Variants in MPHOSPH9 observed in about 807,000 individuals in gnomAD.
The protein encoded by MPHOSPH9 is M-phase phosphoprotein 9.
MPHOSPH9 carries 88 observed loss-of-function variants against 145.5 expected under a neutral mutation model. That is an observed-to-expected ratio of 0.60 (90% CI 0.51 to 0.72). The LOEUF is 0.72. Ranked by LOEUF, MPHOSPH9 falls within the 30% of genes least tolerant of loss-of-function variation. The pLI, the probability that MPHOSPH9 is intolerant of heterozygous loss-of-function variation, is 0.00. For synonymous variants in MPHOSPH9, 435 were observed against 486.2 expected, an observed-to-expected ratio of 0.89 and a Z score of 1.39; for missense variants, 1,238 against 1,386.6, an observed-to-expected ratio of 0.89 and a Z score of 1.70.
At chr12:123,213,391 G>T (rs1224810351) in intron 7 of MPHOSPH9, among the ~76,000 whole-genome samples, 1 of 151,982 alleles carries the variant, frequency 6.6e-6, no homozygotes. Context: ...CCAGGCTGGA[G>T]TGCAGTGGTG....
At chr12:123,234,601 T>G (rs2047806782), upstream of MPHOSPH9, among the ~76,000 whole-genome samples, 1 of 152,166 alleles carries the variant, frequency 6.6e-6, no homozygotes, top group Non-Finnish European at 1.5e-5. Flanking sequence ...TTTGCCATAT[T>G]GGCCAGGCTG....
chr12:123,174,594 G>T (rs1056747408), intron 16 of MPHOSPH9, among the ~76,000 whole-genome samples: 5 of 151,854 alleles, frequency 3.3e-5, no homozygotes, highest in African/African-American at 2.4e-5. Context: ...GGATGGTCTC[G>T]ATCTCCTGAC....
At chr12:123,243,152 C>T (rs2047969451) in intron 1 of MPHOSPH9, among the ~76,000 whole-genome samples, 1 of 152,250 alleles carries the variant, frequency 6.6e-6, no homozygotes, top group African/African-American at 2.4e-5. Flanking sequence ...GTTTTTAAAG[C>T]ACCACTTTCC....
At chr12:123,224,518 G>A (rs1342761551) in intron 3 of MPHOSPH9, among the ~76,000 whole-genome samples, 4 of 152,028 alleles carry the variant, frequency 2.6e-5, no homozygotes, top group South Asian at 2.1e-4. Context: ...TGATCCACCC[G>A]CCTCGGTCTC....
intron 13 of MPHOSPH9, among the ~76,000 whole-genome samples, chr12:123,183,665 A>T (rs922106372): frequency 9.2e-5 from 14 of 152,124 alleles, no homozygotes; most frequent in Non-Finnish European, 1.6e-4. Flanking sequence ...TGATGTCAGC[A>T]TAACTGTGAG....
intron 14 of MPHOSPH9, among the ~76,000 whole-genome samples, chr12:123,180,388 A>C (rs2045073474): frequency 6.6e-6 from 1 of 152,202 alleles, no homozygotes; most frequent in African/African-American, 2.4e-5. Context: ...CTTTTTGCTG[A>C]GCTTCAATAA....
Position 123,213,121 on chromosome 12 carries a change from A to G in MPHOSPH9, c.1087+1623T>C, listed in dbSNP as rs923477629. On this transcript the variant is annotated intron_variant, in intron 7 of 23. Transcript: ENST00000606320. ...TGATCCGCCCGACCTGGCCTCCCAAAGTGCTGGGATTACAAGCATGAGCCA... is the reference window on the plus strand; with the variant it reads ...TGATCCGCCCGACCTGGCCTCCCAAGGTGCTGGGATTACAAGCATGAGCCA... Among the ~76,000 whole-genome samples, 48 of 151,978 alleles carry G rather than the reference A, an allele frequency of 3.2e-4. 1 individual carries two copies. Among genetic ancestry groups the G allele is most frequent in the Non-Finnish European group, 1.9e-4 (13 of 68,016 alleles).
chr12:123,202,981 G>C lies in MPHOSPH9; in HGVS notation c.1424C>G (p.Ser475Cys), dbSNP rs770334381. Reference protein sequence around the residue: ...PNALDDRISFSPDSVLEPSMS... With the variant: ...PNALDDRISFCPDSVLEPSMS... ...ACTAGGCTCTAGAACAGAGTCCGGG[G>C]AAAAGGATATTCTGTCATCAAGGGC... The change falls in exon 10 of 24, where the codon TCC becomes TGC. Residue 475 changes from serine to cysteine, a missense_variant. Ser to Cys is a moderately radical substitution (Grantham distance 112, BLOSUM62 -1). Coordinates refer to ENST00000606320, the MANE Select transcript of MPHOSPH9 (RefSeq NM_022782.4). The C allele has an allele frequency of 1.9e-6, 3 of 1,614,066 alleles. No individual in the cohort carries two copies. The highest frequency in any genetic ancestry group is 2.7e-5 in the African/African-American group (2 of 74,926).
At chr12:123,195,966 T>C (rs1246301392) in intron 12 of MPHOSPH9, among the ~76,000 whole-genome samples, 3 of 151,884 alleles carry the variant, frequency 2.0e-5, no homozygotes, top group Admixed American at 1.3e-4. Context: ...GCCCAAGAGG[T>C]TGAGACTGCA....
chr12:123,171,880 A>G (rs1444398406), intron 16 of MPHOSPH9, among the ~76,000 whole-genome samples: 3 of 152,216 alleles, frequency 2.0e-5, no homozygotes, highest in South Asian at 2.1e-4. Context: ...AATTAAGAGT[A>G]GAACACTATA....
intron 13 of MPHOSPH9, among the ~76,000 whole-genome samples, chr12:123,184,827 A>G (rs944734204): frequency 6.9e-6 from 1 of 145,354 alleles, no homozygotes; most frequent in East Asian, 2.1e-4. Context: ...CTTTTGAGAC[A>G]GAGTCTCACT....
Position 123,210,977 on chromosome 12 carries a change from C to CTTT in MPHOSPH9, c.1088-818_1088-816dup, listed in dbSNP as rs907442708. Among the ~76,000 whole-genome samples the CTTT allele has an allele frequency of 6.6e-4, 59 of 89,760 alleles. 1 individual carries two copies. The highest frequency in any genetic ancestry group is 1.3e-3 in the African/African-American group (22 of 17,492). 58.9% of individuals were successfully genotyped at this position (89,760 alleles called of 152,430 possible). A position where few individuals can be genotyped will look rare whatever the true frequency, so the allele number is the denominator to read the frequency against. ...CCAGCTAATTTTTGGTTTGTTTTTT[C>CTTT]TTTTTTTTTTTTTTTTTTTTTTTTT... On this transcript the variant is annotated intron_variant, in intron 7 of 23. Transcript: ENST00000606320.
intron 16 of MPHOSPH9, among the ~76,000 whole-genome samples, chr12:123,171,306 T>G (rs1274943543): frequency 6.6e-6 from 1 of 150,814 alleles, no homozygotes; most frequent in African/African-American, 2.4e-5. Context: ...ATACAACAAA[T>G]TAGCAGGCAT....
intron 3 of MPHOSPH9, among the ~76,000 whole-genome samples, chr12:123,223,501 C>T (rs1196253165): frequency 6.6e-6 from 1 of 152,188 alleles, no homozygotes; most frequent in Non-Finnish European, 1.5e-5. Context: ...CATCCCAGCC[C>T]TCTGTCCTTT....
chr12:123,156,857 G>T lies in MPHOSPH9; in HGVS notation c.3502C>A (p.Arg1168Ser). ...ERINRELGSV[R>S]MTLKKFHVLR... Reference sequence around the variant, plus strand: ...ACATGGAATTTCTTTAGCGTCATGCGAACTGAACCCAGTTCTCGATTAATC... The same window carrying T: ...ACATGGAATTTCTTTAGCGTCATGCTAACTGAACCCAGTTCTCGATTAATC... Residue 1168 changes from arginine to serine, a missense_variant, in exon 24 of 24, where the codon CGC (arginine) becomes AGC (serine). By Grantham distance (110) the Arg-to-Ser change is moderately radical (BLOSUM62 -1). This residue lies in a region of MPHOSPH9 where 393 missense variants were observed against 462.5 expected (regional missense o/e 0.85). Coordinates refer to ENST00000606320, the MANE Select transcript of MPHOSPH9 (RefSeq NM_022782.4). 3.1e-6 allele frequency: 5 copies of T among 1,612,170 alleles called. No individual in the cohort carries two copies. The highest frequency in any genetic ancestry group is 4.2e-6 in the Non-Finnish European group (5 of 1,178,568).
intron 1 of MPHOSPH9, among the ~76,000 whole-genome samples, chr12:123,239,584 AGT>A (rs1364554553): frequency 6.6e-6 from 1 of 151,940 alleles, no homozygotes; most frequent in Non-Finnish European, 1.5e-5. Flanking sequence ...TTGTATTTTT[AGT>A]AGAGACGGGG....
intron 1 of MPHOSPH9, among the ~76,000 whole-genome samples, chr12:123,232,341 G>A (rs2047683580): frequency 6.6e-6 from 1 of 151,904 alleles, no homozygotes; most frequent in South Asian, 2.1e-4. Flanking sequence ...GGAAGTAAGA[G>A]GGAAAAATCC....
rs1716163 is a variant in MPHOSPH9 at position 123,155,975 on chromosome 12, C to T, written c.*832G>A. 5.1e-4 allele frequency: 78 copies of T among 152,336 alleles called. No individual in the cohort carries two copies. The East Asian group carries it at 0.01, about 20-fold the overall frequency. 9.4% of individuals were successfully genotyped at this position (152,336 alleles called of 1,614,324 possible). A position where few individuals can be genotyped will look rare whatever the true frequency, so the allele number is the denominator to read the frequency against. ...GACAACTATGACGGACAGCTGAAGCCATGCACACTAAGAAAACCAGGCTGC... is the reference window on the plus strand; with the variant it reads ...GACAACTATGACGGACAGCTGAAGCTATGCACACTAAGAAAACCAGGCTGC... On this transcript the variant is annotated 3_prime_UTR_variant, in exon 24 of 24. Transcript: ENST00000606320.
intron 8 of MPHOSPH9, among the ~76,000 whole-genome samples, 163 bp downstream of exon 8, chr12:123,209,893 C>T (rs559349019): frequency 2.0e-4 from 30 of 151,890 alleles, no homozygotes; most frequent in Admixed American, 2.0e-4. Context: ...CCCGCCACCA[C>T]GCCCAGCTAA....
Sources: gnomAD v4.1 joint callset for allele counts (sites outside exome capture counted in the v4.1 genomes callset) on GRCh38, gnomAD v4.1.1 for gene constraint, gnomAD v4.1.1 regional missense constraint, MANE v1.5 for transcripts, NCBI Gene and HGNC (gene_info 2026-07-23, HGNC 2026-07-21) for gene names.